The following STOX2 variants were observed in gnomAD, a reference collection of about 807,000 sequenced individuals.
The protein encoded by STOX2 is storkhead box 2, also known as storkhead-box protein 2.
A neutral mutation model predicts 60.9 loss-of-function variants in STOX2; 28 were observed. That is an observed-to-expected ratio of 0.46 (90% CI 0.34 to 0.63). The LOEUF is 0.63. Ranked by LOEUF, STOX2 falls within the 30% of genes least tolerant of loss-of-function variation. STOX2 has a pLI of 0.01. For synonymous variants in STOX2, 472 were observed against 463.9 expected (o/e 1.02, Z -0.22); for missense variants, 1,024 against 1,187.7 (o/e 0.86, Z 2.03).
At chr4:184,007,456 G>A (rs1189661566) in intron 2 of STOX2, among the ~76,000 whole-genome samples, 1 of 152,162 alleles carries the variant, frequency 6.6e-6, no homozygotes, top group African/African-American at 2.4e-5. Context: ...TGTTTATTGA[G>A]CACTCTCTGT....
At position 183,906,667 on chromosome 4, in the gene STOX2, G is replaced by A. The variant is rs114230413; in HGVS notation, c.-124G>A. ...CCGCTGGCGGTGTAGACGCCGACGAGGAGGGGCTGGGAAAATGTGCGCAGA... is the reference window on the plus strand; with the variant it reads ...CCGCTGGCGGTGTAGACGCCGACGAAGAGGGGCTGGGAAAATGTGCGCAGA... On this transcript the variant is annotated 5_prime_UTR_variant, in exon 1 of 4. Transcript: ENST00000308497. 31,563 of 1,102,916 alleles carry A rather than the reference G, an allele frequency of 0.029. 537 individuals are homozygous for A. Among genetic ancestry groups the A allele is most frequent in the Middle Eastern group, 0.034 (122 of 3,562 alleles). The allele number at this position is 1,102,916 out of a possible 1,614,324, so 68.3% of individuals were successfully genotyped here.
At chr4:183,883,460 C>T (rs1411726994) in intron 1 of STOX2, among the ~76,000 whole-genome samples, 6 of 151,912 alleles carry the variant, frequency 3.9e-5, no homozygotes, top group Admixed American at 6.6e-5. Flanking sequence ...GCTGGGACTA[C>T]AGGCACCTGC....
chr4:183,910,713 T>C (rs965730597), intron 1 of STOX2, among the ~76,000 whole-genome samples: 3 of 152,208 alleles, frequency 2.0e-5, no homozygotes, highest in Non-Finnish European at 2.9e-5. Context: ...TTTGATAACA[T>C]CTTTAAGGAG....
At chr4:183,811,901 A>G (rs1356357022) in intron 1 of STOX2, among the ~76,000 whole-genome samples, 1 of 149,584 alleles carries the variant, frequency 6.7e-6, no homozygotes, top group Non-Finnish European at 1.5e-5. Flanking sequence ...CCCATTTCTT[A>G]TAAAATGACC....
intron 1 of STOX2, among the ~76,000 whole-genome samples, chr4:183,826,096 C>G (rs1579307325): frequency 6.6e-6 from 1 of 152,264 alleles, no homozygotes; most frequent in East Asian, 1.9e-4. Context: ...CCCAGGGACT[C>G]TAGCTCAGCA....
chr4:184,001,643 A>T lies in STOX2; in HGVS notation c.319+166A>T, dbSNP rs1459515066. On this transcript the variant is annotated intron_variant, in intron 2 of 3. Transcript: ENST00000308497. This position sits in a 1 kb window ranked among gnomAD's most constrained non-coding sequence, Gnocchi z 4.2. ...TGTAATTAAAAATTCAGGCACCTGC[A>T]TGACATCAAAAAATAACTTAACTGC... Among the ~76,000 whole-genome samples, 3 of 152,190 alleles carry T rather than the reference A, an allele frequency of 2.0e-5. No homozygotes were observed. Among genetic ancestry groups the T allele is most frequent in the Non-Finnish European group, 4.4e-5 (3 of 68,030 alleles).
chr4:183,811,959 G>T (rs1193996782), intron 1 of STOX2, among the ~76,000 whole-genome samples: 2 of 125,352 alleles, frequency 1.6e-5, no homozygotes, highest in Admixed American at 7.5e-5. Context: ...TTTGAGACAG[G>T]GTCTCACTCT....
chr4:183,919,734 T>C (rs768470338), intron 1 of STOX2, among the ~76,000 whole-genome samples: 5 of 152,018 alleles, frequency 3.3e-5, no homozygotes, highest in Admixed American at 2.0e-4. Context: ...GCCTCCCAAG[T>C]AGCTGGGATT....
In STOX2 at chr4:184,020,874, C is replaced by A. The variant is rs555936925; in HGVS notation, c.*3590C>A. 6.6e-6 allele frequency: 1 copy of A among 152,274 alleles called. No individual in the cohort carries two copies. The highest frequency in any genetic ancestry group is 1.9e-4 in the East Asian group (1 of 5,184). 9.4% of individuals were successfully genotyped at this position (152,274 alleles called of 1,614,324 possible). A position where few individuals can be genotyped will look rare whatever the true frequency, so the allele number is the denominator to read the frequency against. On this transcript the variant is annotated 3_prime_UTR_variant, in exon 4 of 4. Coordinates refer to ENST00000308497, the MANE Select transcript of STOX2 (RefSeq NM_020225.3). ...CAGGTCCCTCTTTTTCATAGCCCAA[C>A]CAGCATCTAAAATGTAAATTTAAAT...
chr4:183,815,976 G>A (rs1280199718), intron 1 of STOX2, among the ~76,000 whole-genome samples: 1 of 152,122 alleles, frequency 6.6e-6, no homozygotes, highest in Non-Finnish European at 1.5e-5. Flanking sequence ...TTGGACACCT[G>A]GAGTAACCTT....
chr4:183,849,777 C>G (rs1035381347), intron 1 of STOX2, among the ~76,000 whole-genome samples: 1 of 151,970 alleles, frequency 6.6e-6, no homozygotes, highest in Admixed American at 6.6e-5. Flanking sequence ...TTCGGCACAT[C>G]GTTTTTGTGT....
chr4:183,989,809 A>C (rs1468021363), intron 1 of STOX2, among the ~76,000 whole-genome samples: 1 of 152,238 alleles, frequency 6.6e-6, no homozygotes, highest in Non-Finnish European at 1.5e-5. Flanking sequence ...TCAAAAGTAC[A>C]TTACATGCCT....
chr4:183,947,391 AT>A (rs1742927419), intron 1 of STOX2, among the ~76,000 whole-genome samples: 1 of 152,020 alleles, frequency 6.6e-6, no homozygotes, highest in Admixed American at 6.6e-5. Context: ...TCTCTGCTTT[AT>A]TAGCCATCTA....
intron 1 of STOX2, among the ~76,000 whole-genome samples, chr4:183,892,554 A>C (rs1186390166): frequency 6.6e-6 from 1 of 152,190 alleles, no homozygotes; most frequent in Non-Finnish European, 1.5e-5. Flanking sequence ...TGCTGGGATT[A>C]CAGGCGTGAG....
chr4:183,988,645 A>G (rs1232240714), intron 1 of STOX2: 1 of 152,594 alleles, frequency 6.6e-6, no homozygotes. Context: ...CCAATCTGAA[A>G]TGCTCATTTA....
intron 1 of STOX2, among the ~76,000 whole-genome samples, chr4:183,963,894 G>A (rs959422933): frequency 2.6e-5 from 4 of 151,388 alleles, no homozygotes; most frequent in South Asian, 2.1e-4. Context: ...TCCTGCCTCA[G>A]CCTCCCTAGT....
At chr4:183,991,494 C>T (rs1733103423) in intron 1 of STOX2, among the ~76,000 whole-genome samples, 1 of 150,942 alleles carries the variant, frequency 6.6e-6, no homozygotes, top group African/African-American at 2.4e-5. Context: ...ATGGCACGGT[C>T]TTGGCTCACT....
chr4:183,965,713 C>G (rs993576415), intron 1 of STOX2, among the ~76,000 whole-genome samples: 3 of 151,942 alleles, frequency 2.0e-5, no homozygotes, highest in African/African-American at 7.3e-5. Context: ...CTTAGGGTGA[C>G]AGAGGAAACC....
chr4:183,946,277 T>A (rs1742884390), intron 1 of STOX2, among the ~76,000 whole-genome samples: 1 of 152,190 alleles, frequency 6.6e-6, no homozygotes, highest in South Asian at 2.1e-4. Flanking sequence ...ACATGCCTTT[T>A]CTTAGTCTCA....
Sources: allele counts gnomAD v4.1 joint callset (sites outside exome capture counted in the v4.1 genomes callset), GRCh38; gene constraint gnomAD v4.1.1; non-coding constraint Gnocchi (gnomAD v3.1); transcripts MANE v1.5; gene names NCBI Gene and HGNC (gene_info 2026-07-23, HGNC 2026-07-21).